The following LANCL3 variants were observed in gnomAD, a reference collection of about 807,000 sequenced individuals.
LANCL3 encodes lanC-like protein 3.
Under a neutral mutation model 26.5 loss-of-function variants are expected in LANCL3, and 19 were observed. The ratio of observed to expected loss-of-function variants is 0.72; its 90% CI spans 0.50 to 1.05. The LOEUF is 1.05. Among genes scored for constraint, LANCL3 ranks in the 50% least tolerant of loss-of-function variants. The pLI, the probability that LANCL3 is intolerant of heterozygous loss-of-function variation, is 0.00. For synonymous variants in LANCL3, 160 were observed against 166.6 expected (o/e 0.96, Z 0.30); for missense variants, 318 against 362.7 (o/e 0.88, Z 1.00).
intron 1 of LANCL3, among the ~76,000 whole-genome samples, chrX:37,578,852 T>TA (rs1331955452): frequency 9.2e-6 from 1 of 108,684 alleles, no homozygotes; most frequent in Non-Finnish European, 1.9e-5. Flanking sequence ...TGGTGGTAGG[T>TA]GCCTGTAATC....
intron 1 of LANCL3, among the ~76,000 whole-genome samples, chrX:37,647,684 G>A (rs1926023924): frequency 8.9e-6 from 1 of 112,474 alleles, no homozygotes; most frequent in African/African-American, 3.2e-5. Context: ...GATAATGTTG[G>A]TGGTGCTTGA....
chrX:37,640,426 C>T (rs1448380747), intron 1 of LANCL3, among the ~76,000 whole-genome samples: 8 of 111,421 alleles, frequency 7.2e-5, no homozygotes, highest in Admixed American at 3.8e-4. Context: ...GATTCAATCA[C>T]CTCCCACAAG....
At chrX:37,649,534 T>G (rs1211113478) in intron 1 of LANCL3, among the ~76,000 whole-genome samples, 2 of 111,626 alleles carry the variant, frequency 1.8e-5, no homozygotes, top group Admixed American at 9.5e-5. Flanking sequence ...TATACCTATG[T>G]AACAAACCTG....
chrX:37,672,602 A>T (rs1200068806), intron 4 of LANCL3, among the ~76,000 whole-genome samples: 1 of 111,986 alleles, frequency 8.9e-6, no homozygotes, highest in African/African-American at 3.2e-5. Flanking sequence ...TGGCCATGGC[A>T]GGTGACTCTG....
intron 1 of LANCL3, among the ~76,000 whole-genome samples, chrX:37,637,862 C>A (rs1335701645): frequency 9.3e-6 from 1 of 107,003 alleles, no homozygotes; most frequent in Admixed American, 1.0e-4. Flanking sequence ...TCATTGCAGC[C>A]ATCTTGAATT....
intron 1 of LANCL3, among the ~76,000 whole-genome samples, chrX:37,626,282 A>C (rs782330212): frequency 8.9e-6 from 1 of 112,082 alleles, no homozygotes; most frequent in Non-Finnish European, 1.9e-5. Flanking sequence ...CATTTGCCAT[A>C]GGAGACCCTT....
intron 1 of LANCL3, among the ~76,000 whole-genome samples, chrX:37,625,092 A>C (rs1925278438): frequency 9.0e-6 from 1 of 111,508 alleles, no homozygotes; most frequent in African/African-American, 3.3e-5. Context: ...CTCATTGACT[A>C]TGGCAGCTAC....
At chrX:37,627,247 T>C (rs781826600) in intron 1 of LANCL3, among the ~76,000 whole-genome samples, 2 of 112,340 alleles carry the variant, frequency 1.8e-5, no homozygotes, top group African/African-American at 6.5e-5. Context: ...GCCATATATG[T>C]CTCCTTCTTT....
At chrX:37,661,130 C>T (rs1450431402) in intron 3 of LANCL3, among the ~76,000 whole-genome samples, 1 of 111,260 alleles carries the variant, frequency 9.0e-6, no homozygotes, top group Non-Finnish European at 1.9e-5. Flanking sequence ...TCCAAGCATA[C>T]CAGCAAGGAT....
chrX:37,603,062 T>C (rs1408323900), intron 1 of LANCL3, among the ~76,000 whole-genome samples: 16 of 112,382 alleles, frequency 1.4e-4, no homozygotes, highest in African/African-American at 5.2e-4. Flanking sequence ...TACAGATTCC[T>C]ATAGGAAGTC....
chrX:37,585,495 A>G (rs782736931), intron 1 of LANCL3, among the ~76,000 whole-genome samples: 14 of 112,150 alleles, frequency 1.2e-4, no homozygotes, highest in African/African-American at 4.2e-4. Context: ...TTGGGTGCAT[A>G]TACATTTAGG....
At chrX:37,656,309 T>C (rs1926282917) in intron 2 of LANCL3, among the ~76,000 whole-genome samples, 1 of 111,080 alleles carries the variant, frequency 9.0e-6, no homozygotes, top group Non-Finnish European at 1.9e-5. Flanking sequence ...TTACCATTAC[T>C]ACTGAGCAAG....
rs1255093401 is a variant in LANCL3, at chrX:37,671,813, A to G, written c.1104-3841A>G. ...ATAAATTATTTTTTGTGATATTTAC[A>G]TGAATGCACTGAAGGGCAAATACTA... is the stretch of plus-strand genomic sequence containing the variant. On this transcript the variant is annotated intron_variant, in intron 4 of 4. Transcript: ENST00000378619. 3.6e-5 allele frequency among the ~76,000 whole-genome samples: 4 copies of G among 112,375 alleles called. No individual in the cohort carries two copies. In the Admixed American group the frequency reaches 3.8e-4, roughly 11 times the overall value.
Position 37,655,774 on chromosome X carries a change from C to T in LANCL3, c.660C>T (p.Phe220=), listed in dbSNP as rs782174545. Residue 220 remains phenylalanine (F), a synonymous_variant, in exon 2 of 5, where the codon TTC becomes TTT. Transcript: ENST00000378619. ...KQYAIKKRKP[F]PLMYSYYGTE... ...ATGCCATAAAGAAGAGGAAACCATT[C>T]CCCCTGATGTATTCTTACTATGGAA... 10 of 1,204,719 alleles carry T rather than the reference C, an allele frequency of 8.3e-6. No homozygotes were observed. Among genetic ancestry groups the T allele is most frequent in the Admixed American group, 6.6e-5 (3 of 45,641 alleles).
intron 1 of LANCL3, among the ~76,000 whole-genome samples, chrX:37,634,237 C>G (rs368622283): frequency 3.5e-5 from 4 of 112,745 alleles, no homozygotes; most frequent in Non-Finnish European, 7.5e-5. Context: ...CCCTTCGAGA[C>G]AGGTGCAGGA....
intron 1 of LANCL3, among the ~76,000 whole-genome samples, chrX:37,612,243 A>G (rs781849278): frequency 8.9e-6 from 1 of 111,803 alleles, no homozygotes; most frequent in East Asian, 2.8e-4. Flanking sequence ...TGCCTGGCCT[A>G]TTGTTTTTAT....
At chrX:37,610,844 G>A (rs1397965537) in intron 1 of LANCL3, among the ~76,000 whole-genome samples, 1 of 112,532 alleles carries the variant, frequency 8.9e-6, no homozygotes, top group African/African-American at 3.2e-5. Flanking sequence ...TTATTATACT[G>A]TATATAGTCC....
intron 1 of LANCL3, among the ~76,000 whole-genome samples, chrX:37,647,536 T>C (rs1247762980): frequency 1.8e-5 from 2 of 112,038 alleles, no homozygotes; most frequent in South Asian, 3.8e-4. Context: ...AGGCAAAGGA[T>C]TGGGTGAAAT....
intron 1 of LANCL3, among the ~76,000 whole-genome samples, chrX:37,634,360 T>C (rs1316733115): frequency 1.8e-5 from 2 of 112,951 alleles, no homozygotes; most frequent in Non-Finnish European, 3.8e-5. Context: ...TTTCTTTGAC[T>C]AGGAAAGAGA....
Sources: gnomAD v4.1 joint callset for allele counts (sites outside exome capture counted in the v4.1 genomes callset) on GRCh38, gnomAD v4.1.1 for gene constraint, MANE v1.5 for transcripts, NCBI Gene and HGNC (gene_info 2026-07-23, HGNC 2026-07-21) for gene names.